Variants in CNTNAP5 observed in about 807,000 individuals in gnomAD.
CNTNAP5 encodes contactin-associated protein-like 5.
In CNTNAP5, 72 loss-of-function variants were observed where a neutral mutation model predicts 150.2. The ratio of observed to expected loss-of-function variants is 0.48; its 90% CI spans 0.40 to 0.58. The LOEUF is 0.58. Ranked by LOEUF, CNTNAP5 falls within the 20% of genes least tolerant of loss-of-function variation. The pLI, the probability that CNTNAP5 is intolerant of heterozygous loss-of-function variation, is 0.00. For missense variants in CNTNAP5, 1,636 were observed against 1,626.2 expected (o/e 1.01, Z -0.10); for synonymous variants, 672 against 619.8 (o/e 1.08, Z -1.25).
chr2:124,804,825 A>G (rs780107569), intron 19 of CNTNAP5, among the ~76,000 whole-genome samples: 36 of 152,234 alleles, frequency 2.4e-4, no homozygotes, highest in Non-Finnish European at 4.4e-4. Context: ...CTCATTGACA[A>G]AGGTCAAATG....
rs75213488 is a variant in CNTNAP5 at position 124,458,467 on chromosome 2, A to G, written c.918+11530A>G. Among the ~76,000 whole-genome samples, 398 of 151,836 alleles carry G rather than the reference A, an allele frequency of 2.6e-3. 3 individuals are homozygous for G. The East Asian group carries it at 0.028, about 11-fold the overall frequency. On this transcript the variant is annotated intron_variant, in intron 6 of 23. Coordinates refer to ENST00000682447, the MANE Select transcript of CNTNAP5 (RefSeq NM_001367498.1). ...CCTACTCGTATGTGGTTGCTAAGCT[A>G]TGAGGATGCAAAGGCATGGGAAAGA... is the stretch of plus-strand genomic sequence containing the variant.
intron 3 of CNTNAP5, among the ~76,000 whole-genome samples, chr2:124,321,495 T>A (rs1343452474): frequency 6.6e-6 from 1 of 152,038 alleles, no homozygotes; most frequent in Admixed American, 6.6e-5. Flanking sequence ...TTAGAATTTC[T>A]TTTGCCTTGT....
At chr2:124,062,447 G>A (rs1271388779) in intron 1 of CNTNAP5, among the ~76,000 whole-genome samples, 2 of 152,126 alleles carry the variant, frequency 1.3e-5, no homozygotes, top group Non-Finnish European at 1.5e-5. Flanking sequence ...ACCCCAGCAT[G>A]GGCTATACCA....
At chr2:124,825,380 T>C (rs1463204033) in intron 19 of CNTNAP5, among the ~76,000 whole-genome samples, 4 of 152,186 alleles carry the variant, frequency 2.6e-5, no homozygotes, top group Admixed American at 2.6e-4. Context: ...TGTTTCTATG[T>C]AATTATTTAT....
intron 3 of CNTNAP5, among the ~76,000 whole-genome samples, chr2:124,400,755 G>A (rs1170463629): frequency 6.8e-6 from 1 of 146,804 alleles, no homozygotes; most frequent in Non-Finnish European, 1.5e-5. Context: ...TCTTTTCCAG[G>A]CATGTGCCAT....
At position 124,372,811 on chromosome 2, in the gene CNTNAP5, T is replaced by G. The variant is rs143454842; in HGVS notation, c.382-44632T>G. On this transcript the variant is annotated intron_variant, in intron 3 of 23. Coordinates refer to ENST00000682447, the MANE Select transcript of CNTNAP5 (RefSeq NM_001367498.1). Reference sequence around the variant, plus strand: ...GCTAACTGGTACATGTACCAAGAATTAATAATGCAACACCCATTAACACAG... The same window carrying G: ...GCTAACTGGTACATGTACCAAGAATGAATAATGCAACACCCATTAACACAG... 5.2e-3 allele frequency among the ~76,000 whole-genome samples: 789 copies of G among 152,208 alleles called. 12 individuals are homozygous for G. Among genetic ancestry groups the G allele is most frequent in the African/African-American group, 0.018 (759 of 41,552 alleles).
intron 19 of CNTNAP5, among the ~76,000 whole-genome samples, chr2:124,855,726 T>G (rs1319763777): frequency 6.6e-6 from 1 of 152,204 alleles, no homozygotes; most frequent in Admixed American, 6.5e-5. Context: ...AAATGTTTAT[T>G]TTCATAGGTT....
intron 3 of CNTNAP5, among the ~76,000 whole-genome samples, chr2:124,415,657 C>T (rs1691899129): frequency 6.6e-6 from 1 of 152,076 alleles, no homozygotes; most frequent in African/African-American, 2.4e-5. Context: ...AAAAGAAGAA[C>T]GTTGATGATT....
intron 19 of CNTNAP5, among the ~76,000 whole-genome samples, chr2:124,814,021 ATGTCAC>A (rs1405286066): frequency 1.3e-5 from 2 of 151,842 alleles, no homozygotes; most frequent in Admixed American, 1.3e-4. Context: ...AAATATATTC[ATGTCAC>A]TTATTTTTTG....
chr2:124,782,348 G>A (rs559644412), intron 17 of CNTNAP5, among the ~76,000 whole-genome samples: 1 of 152,260 alleles, frequency 6.6e-6, no homozygotes, highest in African/African-American at 2.4e-5. Context: ...AAAGCCTCTA[G>A]ATATTTCAGT....
chr2:124,224,800 G>C (rs1438609242), intron 2 of CNTNAP5, among the ~76,000 whole-genome samples: 1 of 151,962 alleles, frequency 6.6e-6, no homozygotes, highest in African/African-American at 2.4e-5. Flanking sequence ...CATTTAGAAA[G>C]TTAAGAAGAA....
intron 11 of CNTNAP5, among the ~76,000 whole-genome samples, chr2:124,597,468 G>T (rs912593319): frequency 1.5e-4 from 22 of 149,316 alleles, no homozygotes; most frequent in Middle Eastern, 3.5e-3. Context: ...TTGAATATTG[G>T]CCCCCACTCT....
chr2:124,236,892 C>A (rs569737566), intron 2 of CNTNAP5, among the ~76,000 whole-genome samples: 7 of 151,976 alleles, frequency 4.6e-5, no homozygotes, highest in Non-Finnish European at 8.8e-5. Context: ...TTTGGGAGGA[C>A]GAGGCGGGTG....
chr2:124,493,593 G>T (rs1694080951), intron 7 of CNTNAP5, among the ~76,000 whole-genome samples: 1 of 152,042 alleles, frequency 6.6e-6, no homozygotes, highest in African/African-American at 2.4e-5. Context: ...GCCTGCCTCT[G>T]CCTCCCAAGT....
chr2:124,486,976 A>C (rs1417468421), intron 7 of CNTNAP5, among the ~76,000 whole-genome samples: 2 of 152,198 alleles, frequency 1.3e-5, no homozygotes, highest in Non-Finnish European at 2.9e-5. Context: ...ATTTAACCTA[A>C]AAATTGTTTT....
chr2:124,868,991 A>T (rs1209931294), intron 20 of CNTNAP5, among the ~76,000 whole-genome samples: 1 of 152,088 alleles, frequency 6.6e-6, no homozygotes, highest in Non-Finnish European at 1.5e-5. Flanking sequence ...GAACAAATGG[A>T]GCTGGAATTA....
chr2:124,266,229 G>A (rs1687603854), intron 3 of CNTNAP5, among the ~76,000 whole-genome samples: 1 of 152,074 alleles, frequency 6.6e-6, no homozygotes, highest in African/African-American at 2.4e-5. Context: ...TAAGTTTGAG[G>A]CATCTTGCAC....
chr2:124,454,473 G>A (rs58938598), intron 6 of CNTNAP5, among the ~76,000 whole-genome samples: 23,633 of 152,070 alleles, frequency 0.16, 1,953 homozygotes, highest in Non-Finnish European at 0.19. Flanking sequence ...TCCACTGACA[G>A]CACTAGACAG....
At chr2:124,110,927 A>T (rs2104705514) in intron 1 of CNTNAP5, among the ~76,000 whole-genome samples, 1 of 152,292 alleles carries the variant, frequency 6.6e-6, no homozygotes, top group Admixed American at 6.5e-5. Flanking sequence ...AGAGCAGGTG[A>T]AGAGCCCAAG....
Sources: allele counts gnomAD v4.1 joint callset (sites outside exome capture counted in the v4.1 genomes callset), GRCh38; gene constraint gnomAD v4.1.1; transcripts MANE v1.5; gene names NCBI Gene and HGNC (gene_info 2026-07-23, HGNC 2026-07-21).